Variants in DCAF17 observed in about 807,000 individuals in gnomAD.
DCAF17 encodes DDB1 and CUL4 associated factor 17.
DCAF17 carries 48 observed loss-of-function variants against 66.0 expected under a neutral mutation model. The ratio of observed to expected loss-of-function variants is 0.73; its 90% confidence interval spans 0.58 to 0.92. The LOEUF (loss-of-function observed/expected upper bound fraction) is 0.92. Among genes scored for constraint, DCAF17 ranks in the 40% least tolerant of loss-of-function variants. The probability of loss-of-function intolerance (pLI) is 0.00; values close to 1 mark genes in which losing one functional copy is unlikely to be tolerated. For synonymous variants in DCAF17, 206 were observed against 214.6 expected (o/e 0.96, Z 0.35); for missense variants, 562 against 622.8 (o/e 0.90, Z 1.04).
At chr2:171,474,486 A>G (rs982305824) in intron 10 of DCAF17, 1 of 166,542 alleles carries the variant, frequency 6.0e-6, no homozygotes, top group African/African-American at 2.4e-5. Context: ...GTTTGCTTTC[A>G]TGTTCTTCCT....
In DCAF17 at chr2:171,453,165, C is replaced by A. The variant is rs150095386; in HGVS notation, c.579C>A (p.Phe193Leu). The A allele has an allele frequency of 1.6e-4, 261 of 1,613,198 alleles. No individual in the cohort carries two copies. The East Asian group carries it at 3.1e-3, about 19-fold the overall frequency. Residue 193 changes from phenylalanine to leucine, a missense_variant, in exon 6 of 14, where the codon TTC becomes TTA. Transcript: ENST00000375255. ...ATGTTTTGCTGTACCTTGCAGTGTT[C>A]CGAGTTCTACCTTTTTCACTTGTAG... ...QQHVLLYLAV[F>L]RVLPFSLVGI...
chr2:171,434,556 C>T lies in DCAF17; in HGVS notation c.-22C>T. 6.6e-7 allele frequency: 1 copy of T among 1,525,292 alleles called. No individual in the cohort carries two copies. The highest frequency in any genetic ancestry group is 8.8e-7 in the Non-Finnish European group (1 of 1,141,710). 94.5% of individuals were successfully genotyped at this position (1,525,292 alleles called of 1,614,324 possible). ...CGCGCCACTCGGCGGCCCAGCCTACCCAGGGCCCGGCCCGCGCCTCCATGG... is the reference window on the plus strand; with the variant it reads ...CGCGCCACTCGGCGGCCCAGCCTACTCAGGGCCCGGCCCGCGCCTCCATGG... On this transcript the variant is annotated 5_prime_UTR_variant, in exon 1 of 14. Coordinates refer to ENST00000375255, the MANE Select transcript of DCAF17 (RefSeq NM_025000.4).
chr2:171,478,324 ATTGTT>A (rs914234885), intron 12 of DCAF17, among the ~76,000 whole-genome samples: 1 of 152,022 alleles, frequency 6.6e-6, no homozygotes, highest in Admixed American at 6.5e-5. Flanking sequence ...CGATTAGCTT[ATTGTT>A]TTGTTTTATT....
rs989410187 is a variant in DCAF17 at position 171,434,484 on chromosome 2, C to G, written c.-94C>G. On this transcript the variant is annotated 5_prime_UTR_variant, in exon 1 of 14. Transcript: ENST00000375255. Reference sequence around the variant, plus strand: ...TGGGCCCCGCCGGGAAAGTCTGGGCCTCGAAATTCGAAGGCAGCGGCGGCT... The same window carrying G: ...TGGGCCCCGCCGGGAAAGTCTGGGCGTCGAAATTCGAAGGCAGCGGCGGCT... 3.9e-6 allele frequency: 6 copies of G among 1,519,156 alleles called. No individual in the cohort carries two copies. The highest frequency in any genetic ancestry group is 5.3e-6 in the Non-Finnish European group (6 of 1,137,096). The allele number at this position is 1,519,156 out of a possible 1,614,324, so 94.1% of individuals were successfully genotyped here.
At position 171,482,591 on chromosome 2, in the gene DCAF17, G is replaced by C. The variant is rs540288434; in HGVS notation, c.*1477G>C. On this transcript the variant is annotated 3_prime_UTR_variant, in exon 14 of 14. Coordinates refer to ENST00000375255, the MANE Select transcript of DCAF17 (RefSeq NM_025000.4). ...AGTTTCAAAGCAGCTGCAATGCTGTGTAAAAGTAGAGTGTTCATTCTCCAT... is the reference window on the plus strand; with the variant it reads ...AGTTTCAAAGCAGCTGCAATGCTGTCTAAAAGTAGAGTGTTCATTCTCCAT... 1.5e-4 allele frequency: 70 copies of C among 453,916 alleles called. No individual in the cohort carries two copies. Among genetic ancestry groups the C allele is most frequent in the Admixed American group, 9.9e-4 (42 of 42,548 alleles). 28.1% of individuals were successfully genotyped at this position (453,916 alleles called of 1,614,324 possible). A position where few individuals can be genotyped will look rare whatever the true frequency, so the allele number is the denominator to read the frequency against.
At chr2:171,434,758 G>C (rs1693720768) in intron 1 of DCAF17, 55 bp downstream of exon 1, 3 of 1,388,036 alleles carry the variant, frequency 2.2e-6, no homozygotes, top group East Asian at 5.8e-5. Context: ...CGGCGGCCGA[G>C]CCTCCTGCGG....
Position 171,484,452 on chromosome 2 carries a change from CTTGTT to C in DCAF17, c.*3341_*3345del, listed in dbSNP as rs1344992847. Reference sequence around the variant, plus strand: ...CACGGGGATTCTACATCTTACTCTACTTGTTTTATTATTTTCCTATCCAGCGTACT... The same window carrying C: ...CACGGGGATTCTACATCTTACTCTACTTATTATTTTCCTATCCAGCGTACT... On this transcript the variant is annotated 3_prime_UTR_variant, in exon 14 of 14. Transcript: ENST00000375255. The C allele has an allele frequency of 4.7e-6, 2 of 428,106 alleles. No homozygotes were observed. Among genetic ancestry groups the C allele is most frequent in the Non-Finnish European group, 9.2e-6 (2 of 217,178 alleles). 26.5% of individuals were successfully genotyped at this position (428,106 alleles called of 1,614,324 possible). A position where few individuals can be genotyped will look rare whatever the true frequency, so the allele number is the denominator to read the frequency against.
rs190459502 is a variant in DCAF17 at position 171,468,042 on chromosome 2, G to A, written c.839-846G>A. ...CATAGGTTAGCCACCTGCCCAAACA[G>A]ACCATGTGGTGTTTCCTAAAGGCTG... On this transcript the variant is annotated intron_variant, in intron 8 of 13. Transcript: ENST00000375255. Among the ~76,000 whole-genome samples, 40 of 152,222 alleles carry A rather than the reference G, an allele frequency of 2.6e-4. 1 individual carries two copies. In the East Asian group the frequency reaches 7.5e-3, roughly 29 times the overall value.
chr2:171,448,663 C>CTT lies in DCAF17; in HGVS notation c.322-17_322-16insTT. On this transcript the variant is annotated splice_polypyrimidine_tract_variant and intron_variant, in intron 3 of 13. Transcript: ENST00000375255. ...TGGCCAAGCAGTTTCATTTTTATAT[C>CTT]TCTCTTTTTTTTTTTAGGGAGATAT... The CTT allele has an allele frequency of 1.3e-6, 2 of 1,517,934 alleles. No individual in the cohort carries two copies. The highest frequency in any genetic ancestry group is 8.8e-7 in the Non-Finnish European group (1 of 1,133,674). The allele number at this position is 1,517,934 out of a possible 1,614,324, so 94.0% of individuals were successfully genotyped here. A position where few individuals can be genotyped will look rare whatever the true frequency, so the allele number is the denominator to read the frequency against.
At chr2:171,457,833 TATA>T in intron 6 of DCAF17, 135 bp from the exon 7 acceptor site, 1 of 796,812 alleles carries the variant, frequency 1.3e-6, no homozygotes. Context: ...GGTGATAAAT[TATA>T]ATGAGGTTTT....
At chr2:171,456,548 G>C (rs1695273495) in intron 6 of DCAF17, among the ~76,000 whole-genome samples, 1 of 152,186 alleles carries the variant, frequency 6.6e-6, no homozygotes, top group South Asian at 2.1e-4. Flanking sequence ...AACATCAGTG[G>C]TAGTTTAATG....
intron 5 of DCAF17, among the ~76,000 whole-genome samples, chr2:171,452,133 A>C (rs1694990042): frequency 6.6e-6 from 1 of 152,136 alleles, no homozygotes; most frequent in South Asian, 2.1e-4. Flanking sequence ...TAAGCATTAC[A>C]ATCTTTTTTG....
Position 171,434,537 on chromosome 2 carries a change from ACTCGGCGGCCCAGCCTAC to A in DCAF17, c.-39_-22del. On this transcript the variant is annotated 5_prime_UTR_variant, in exon 1 of 14. Coordinates refer to ENST00000375255, the MANE Select transcript of DCAF17 (RefSeq NM_025000.4). ...CCAGCACGGGAGTGTGGGGCGCGCC[ACTCGGCGGCCCAGCCTAC>A]CCAGGGCCCGGCCCGCGCCTCCATG... 6.6e-7 allele frequency: 1 copy of A among 1,523,170 alleles called. No homozygotes were observed. The highest frequency in any genetic ancestry group is 8.8e-7 in the Non-Finnish European group (1 of 1,140,258). The allele number at this position is 1,523,170 out of a possible 1,614,324, so 94.4% of individuals were successfully genotyped here.
intron 8 of DCAF17, among the ~76,000 whole-genome samples, chr2:171,460,950 A>G (rs1695552572): frequency 6.6e-6 from 1 of 152,194 alleles, no homozygotes; most frequent in Non-Finnish European, 1.5e-5. Flanking sequence ...AAATAATTCA[A>G]TGATTTTTGT....
At chr2:171,473,816 C>T in intron 9 of DCAF17, 50 bp from the exon 10 acceptor site, 1 of 1,445,732 alleles carries the variant, frequency 6.9e-7, no homozygotes, top group Non-Finnish European at 9.7e-7. Flanking sequence ...TTTGTAAAAT[C>T]ATTTGATTTT....
chr2:171,479,980 C>T lies in DCAF17; in HGVS notation c.1267-58C>T, dbSNP rs540170514. The stretch of plus-strand genomic sequence containing the variant: ...CTTAAACTATAAATACAGAAATAAG[C>T]CTACCTGAATAACTGGATTTTGCCC... On this transcript the variant is annotated intron_variant, in intron 12 of 13. Transcript: ENST00000375255. 7.3e-5 allele frequency: 116 copies of T among 1,578,514 alleles called. No individual in the cohort carries two copies. The African/African-American group carries it at 1.5e-3, about 20-fold the overall frequency.
intron 2 of DCAF17, among the ~76,000 whole-genome samples, chr2:171,441,719 C>T (rs901887166): frequency 6.6e-6 from 1 of 152,168 alleles, no homozygotes; most frequent in African/African-American, 2.4e-5. Flanking sequence ...AGGGACTATG[C>T]CCTGGTTCAG....
intron 8 of DCAF17, among the ~76,000 whole-genome samples, chr2:171,467,361 G>A (rs1695964485): frequency 6.6e-6 from 1 of 152,066 alleles, no homozygotes; most frequent in African/African-American, 2.4e-5. Context: ...AAGGCTTCTG[G>A]TCAACAGTAG....
intron 9 of DCAF17, among the ~76,000 whole-genome samples, chr2:171,472,585 C>T (rs1316477405): frequency 6.6e-6 from 1 of 152,118 alleles, no homozygotes; most frequent in East Asian, 1.9e-4. Context: ...AAATTCTGTT[C>T]ACTTGGATAT....
Sources: allele counts gnomAD v4.1 joint callset (sites outside exome capture counted in the v4.1 genomes callset), GRCh38; gene constraint gnomAD v4.1.1; transcripts MANE v1.5; gene names NCBI Gene and HGNC (gene_info 2026-07-23, HGNC 2026-07-21).